SHOX: variants seen among roughly 807,000 people sequenced by gnomAD.
The protein encoded by SHOX is SHOX homeobox.
In SHOX, 12 loss-of-function variants were observed where a neutral mutation model predicts 29.6. The observed-to-expected ratio is 0.41, with a 90% CI of 0.26 to 0.66. The LOEUF is 0.66. SHOX is among the 30% of genes least tolerant of loss of function. SHOX has a pLI of 0.35. For synonymous variants in SHOX, 214 were observed against 200.6 expected (o/e 1.07, Z -0.57); for missense variants, 499 against 437.7 (o/e 1.14, Z -1.25).
Position 646,802 on chromosome X carries a change from A to AG in SHOX, c.*2166_*2167insG, listed in dbSNP as rs1161273060. 2.0e-5 allele frequency: 3 copies of AG among 151,458 alleles called. No homozygotes were observed. The highest frequency in any genetic ancestry group is 7.3e-5 in the African/African-American group (3 of 40,982). The allele number at this position is 151,458 out of a possible 1,614,324, so 9.4% of individuals were successfully genotyped here. On this transcript the variant is annotated 3_prime_UTR_variant, in exon 5 of 5. Transcript: ENST00000686671. ...TTCTTAAAAGCTGGAAATTAAAAAA[A>AG]AAAAAGAGAGAGAGAGGCTTTAATA...
At chrX:655,546 C>T (rs1014090977), downstream of SHOX, among the ~76,000 whole-genome samples, 16 of 144,780 alleles carry the variant, frequency 1.1e-4, no homozygotes, top group Non-Finnish European at 2.3e-4. Flanking sequence ...AGACCAACCT[C>T]AGCAAAAAGG....
chrX:627,541 G>T (rs1007890414), upstream of SHOX, among the ~76,000 whole-genome samples: 2 of 152,222 alleles, frequency 1.3e-5, no homozygotes, highest in African/African-American at 4.8e-5. Flanking sequence ...GTGTTGGAAA[G>T]GCAGAAAGTG....
At chrX:656,062 C>T (rs1463745923), downstream of SHOX, among the ~76,000 whole-genome samples, 3 of 145,904 alleles carry the variant, frequency 2.1e-5, no homozygotes, top group Non-Finnish European at 3.0e-5. Flanking sequence ...CCTGTAATCC[C>T]GGTATTCTGG....
Position 625,716 on chromosome X carries a change from TCTCTCTCTCTC to T in SHOX, c.-433+1125_-433+1135del, listed in dbSNP as rs1198853595. ...TCCTCTGTCTCTCTTTCTATCTCTG[TCTCTCTCTCTC>T]CTCTCTCTCTGTCTCTTTTTCTCTG... On this transcript the variant is annotated intron_variant, in intron 1 of 5. Coordinates refer to the SHOX transcript ENST00000334060. Among the ~76,000 whole-genome samples the T allele has an allele frequency of 8.5e-4, 4 of 4,686 alleles. 1 individual carries two copies. Among genetic ancestry groups the T allele is most frequent in the African/African-American group, 4.8e-3 (2 of 418 alleles). 3.1% of individuals were successfully genotyped at this position (4,686 alleles called of 152,430 possible). A position where few individuals can be genotyped will look rare whatever the true frequency, so the allele number is the denominator to read the frequency against.
At position 648,719 on chromosome X, in the gene SHOX, G is replaced by A. The variant is rs147367763; in HGVS notation, c.*4083G>A. Reference sequence around the variant, plus strand: ...TGGCTGCCTTTGGCTTTTCTCCTGCGAGAGAAGTTGGGTGACTTTCTGTAG... The same window carrying A: ...TGGCTGCCTTTGGCTTTTCTCCTGCAAGAGAAGTTGGGTGACTTTCTGTAG... On this transcript the variant is annotated 3_prime_UTR_variant, in exon 5 of 5. Coordinates refer to ENST00000686671, the MANE Select transcript of SHOX (RefSeq NM_000451.4). Among the ~76,000 whole-genome samples the A allele has an allele frequency of 1.6e-4, 25 of 152,310 alleles. No homozygotes were observed. In the East Asian group the frequency reaches 2.9e-3, roughly 18 times the overall value.
upstream of SHOX, among the ~76,000 whole-genome samples, chrX:627,067 TCTC>T: frequency 6.6e-6 from 1 of 151,932 alleles, no homozygotes; most frequent in African/African-American, 2.4e-5. Context: ...CTCCTCTCTC[TCTC>T]TTTTTCTCTC....
chrX:636,032 C>A (rs1334225552), intron 2 of SHOX, among the ~76,000 whole-genome samples: 1 of 151,922 alleles, frequency 6.6e-6, no homozygotes, highest in Non-Finnish European at 1.5e-5. Flanking sequence ...GTTATGAGGT[C>A]AACACATTCA....
Position 651,412 on chromosome X carries a change from G to GAAAAAAAAAC in SHOX, c.*6777_*6786dup. ...TAGAAAAAAAACAAACAAACAAACA[G>GAAAAAAAAAC]AAAAAAAAACCAAAAAAAACCACCC... On this transcript the variant is annotated 3_prime_UTR_variant, in exon 5 of 5. Coordinates refer to ENST00000686671, the MANE Select transcript of SHOX (RefSeq NM_000451.4). 1 of 186,784 alleles carries GAAAAAAAAAC rather than the reference G, an allele frequency of 5.4e-6. No individual in the cohort carries two copies. Among genetic ancestry groups the GAAAAAAAAAC allele is most frequent in the South Asian group, 2.6e-5 (1 of 38,324 alleles). The allele number at this position is 186,784 out of a possible 1,614,324, so 11.6% of individuals were successfully genotyped here.
At chrX:653,003 G>A (rs1442915666), downstream of SHOX, among the ~76,000 whole-genome samples, 1 of 152,180 alleles carries the variant, frequency 6.6e-6, no homozygotes, top group Non-Finnish European at 1.5e-5. Context: ...CACTTTGGGA[G>A]GCCGAGGCGG....
rs780674663 is a variant in SHOX at position 649,971 on chromosome X, C to T, written c.*5335C>T. 20 of 455,906 alleles carry T rather than the reference C, an allele frequency of 4.4e-5. No homozygotes were observed. The highest frequency in any genetic ancestry group is 7.1e-5 in the Admixed American group (3 of 42,534). 28.2% of individuals were successfully genotyped at this position (455,906 alleles called of 1,614,324 possible). On this transcript the variant is annotated 3_prime_UTR_variant, in exon 5 of 5. Coordinates refer to ENST00000686671, the MANE Select transcript of SHOX (RefSeq NM_000451.4). ...CACAGGGAGAAGGAATTGGATGTAT[C>T]GGATGTTGCTATTAGATTTTCTTTC...
In SHOX at chrX:640,131, G is replaced by A. The variant is rs770412132; in HGVS notation, c.487-690G>A. Among the ~76,000 whole-genome samples, 7 of 152,146 alleles carry A rather than the reference G, an allele frequency of 4.6e-5. No homozygotes were observed. The South Asian group carries it at 1.5e-3, about 32-fold the overall frequency. On this transcript the variant is annotated intron_variant, in intron 2 of 4. Transcript: ENST00000686671. ...AGGCCCAGGAGGGTGGATCGCTTGAGGTCAGGAGTTCGAGACCAGCCTGGC... is the reference window on the plus strand; with the variant it reads ...AGGCCCAGGAGGGTGGATCGCTTGAAGTCAGGAGTTCGAGACCAGCCTGGC...
At position 633,784 on chromosome X, in the gene SHOX, G is replaced by C. The variant is rs766006907; in HGVS notation, c.278-834G>C. 4.6e-5 allele frequency among the ~76,000 whole-genome samples: 7 copies of C among 152,256 alleles called. No homozygotes were observed. The East Asian group carries it at 1.4e-3, about 29-fold the overall frequency. On this transcript the variant is annotated intron_variant, in intron 1 of 4. Transcript: ENST00000686671. Reference sequence around the variant, plus strand: ...CCACTTCCACCAGCCCTGGGTTGAAGGGGAGCGAGGGAGACACCTTTTACT... The same window carrying C: ...CCACTTCCACCAGCCCTGGGTTGAACGGGAGCGAGGGAGACACCTTTTACT...
chrX:633,437 G>T (rs1184200933), intron 1 of SHOX, among the ~76,000 whole-genome samples: 1 of 138,598 alleles, frequency 7.2e-6, no homozygotes, highest in African/African-American at 2.6e-5. Context: ...AACAGAATGT[G>T]AAATCCACGT....
intron 2 of SHOX, among the ~76,000 whole-genome samples, chrX:637,311 T>C (rs2052776439): frequency 6.6e-6 from 1 of 152,060 alleles, no homozygotes; most frequent in South Asian, 2.1e-4. Flanking sequence ...TGTCATCTCC[T>C]GGTGTCTGTG....
rs2053024511 is a variant in SHOX at position 649,703 on chromosome X, C to G, written c.*5067C>G. Among the ~76,000 whole-genome samples the G allele has an allele frequency of 6.6e-6, 1 of 152,086 alleles. No individual in the cohort carries two copies. Among genetic ancestry groups the G allele is most frequent in the Non-Finnish European group, 1.5e-5 (1 of 68,024 alleles). The stretch of plus-strand genomic sequence containing the variant: ...AGGATTTGGTGTGTGAGATCCGTAC[C>G]AGCTCCAGCACACTGATAGGAACAC... On this transcript the variant is annotated 3_prime_UTR_variant, in exon 5 of 5. Coordinates refer to ENST00000686671, the MANE Select transcript of SHOX (RefSeq NM_000451.4).
intron 2 of SHOX, among the ~76,000 whole-genome samples, chrX:638,086 T>C (rs756361883): frequency 6.6e-6 from 1 of 152,276 alleles, no homozygotes; most frequent in South Asian, 2.1e-4. Flanking sequence ...CATTACGGCA[T>C]TTGGGAAAGA....
Position 645,390 on chromosome X carries a change from A to ATTTTTTTTTT in SHOX, c.*778_*787dup, listed in dbSNP as rs1168989193. ...GGGTCTGGTTTTGTTTTGGATTGGT[A>ATTTTTTTTTT]TTTTTTTTTTTTTTTTTTTTTTTTT... On this transcript the variant is annotated 3_prime_UTR_variant, in exon 5 of 5. Coordinates refer to ENST00000686671, the MANE Select transcript of SHOX (RefSeq NM_000451.4). The ATTTTTTTTTT allele has an allele frequency of 5.2e-4, 41 of 78,356 alleles. 1 individual carries two copies. The highest frequency in any genetic ancestry group is 1.4e-3 in the East Asian group (3 of 2,110). The allele number at this position is 78,356 out of a possible 1,614,324, so 4.9% of individuals were successfully genotyped here.
intron 2 of SHOX, among the ~76,000 whole-genome samples, chrX:636,422 TA>T (rs1465059919): frequency 1.5e-5 from 2 of 137,128 alleles, no homozygotes; most frequent in Non-Finnish European, 3.1e-5. Context: ...TATATACATA[TA>T]AAAATATATA....
At chrX:658,283 T>C (rs1303946211) in intron 5 of SHOX, among the ~76,000 whole-genome samples, 1 of 151,298 alleles carries the variant, frequency 6.6e-6, no homozygotes, top group Non-Finnish European at 1.5e-5. Context: ...CCCCAGGTGG[T>C]CTTTTTAGCG....
Sources: gnomAD v4.1 joint callset for allele counts (sites outside exome capture counted in the v4.1 genomes callset) on GRCh38, gnomAD v4.1.1 for gene constraint, MANE v1.5 for transcripts, NCBI Gene and HGNC (gene_info 2026-07-23, HGNC 2026-07-21) for gene names.